GLCE: variants seen among roughly 807,000 people sequenced by gnomAD.
GLCE encodes the protein D-glucuronyl C5-epimerase.
In GLCE, 19 loss-of-function variants were observed where a neutral mutation model predicts 47.9. The ratio of observed to expected loss-of-function variants is 0.40; its 90% CI spans 0.28 to 0.58. The LOEUF (loss-of-function observed/expected upper bound fraction) is 0.58, where lower values mean the gene tolerates loss of function less well. Among genes scored for constraint, GLCE ranks in the 20% least tolerant of loss-of-function variants. The probability of loss-of-function intolerance (pLI) is 0.48; values close to 1 mark genes in which losing one functional copy is unlikely to be tolerated. For missense variants in GLCE, 556 were observed against 743.3 expected (o/e 0.75, Z 2.93); for synonymous variants, 245 against 263.4 (o/e 0.93, Z 0.68).
At chr15:69,230,646 G>GTA (rs1008793781) in intron 2 of GLCE, among the ~76,000 whole-genome samples, 13 of 152,180 alleles carry the variant, frequency 8.5e-5, no homozygotes, top group Non-Finnish European at 1.6e-4. Flanking sequence ...GATTATCAAA[G>GTA]TAGTGTTAAA....
intron 1 of GLCE, among the ~76,000 whole-genome samples, chr15:69,195,297 T>C (rs2051970558): frequency 6.6e-6 from 1 of 152,148 alleles, no homozygotes; most frequent in Non-Finnish European, 1.5e-5. Flanking sequence ...TGTGTAAATA[T>C]AGTCTCAGCT....
At chr15:69,200,534 T>C (rs1179412078) in intron 1 of GLCE, among the ~76,000 whole-genome samples, 1 of 152,176 alleles carries the variant, frequency 6.6e-6, no homozygotes, top group Non-Finnish European at 1.5e-5. Context: ...TTTCTACATA[T>C]TGTTCTTTTA....
At chr15:69,215,167 C>A (rs545134377) in intron 2 of GLCE, among the ~76,000 whole-genome samples, 18 of 152,122 alleles carry the variant, frequency 1.2e-4, no homozygotes, top group Non-Finnish European at 2.4e-4. Context: ...TATCTACCAA[C>A]AGCAGTTCTG....
intron 1 of GLCE, among the ~76,000 whole-genome samples, chr15:69,185,568 C>T (rs115738993): frequency 0.011 from 1,742 of 152,040 alleles, 24 homozygotes; most frequent in African/African-American, 0.038. Context: ...CTCTGTAAGC[C>T]TGGAGAGAAC....
chr15:69,169,759 T>C (rs981045748), intron 1 of GLCE, among the ~76,000 whole-genome samples: 1 of 152,188 alleles, frequency 6.6e-6, no homozygotes, highest in South Asian at 2.1e-4. Flanking sequence ...TTCCATGGTG[T>C]GTATGTGCCA....
chr15:69,269,446 G>GAACA lies in GLCE; in HGVS notation c.*203_*206dup. On this transcript the variant is annotated 3_prime_UTR_variant, in exon 5 of 5. Coordinates refer to ENST00000261858, the MANE Select transcript of GLCE (RefSeq NM_015554.3). The stretch of plus-strand genomic sequence containing the variant: ...TATTTAGAAATGTAGGTGGCATTTA[G>GAACA]AACACAATGTTTAATCAATGGGCTG... The GAACA allele has an allele frequency of 1.7e-6, 1 of 580,134 alleles. No individual in the cohort carries two copies. The highest frequency in any genetic ancestry group is 2.8e-5 in the East Asian group (1 of 35,416). The allele number at this position is 580,134 out of a possible 1,614,324, so 35.9% of individuals were successfully genotyped here.
intron 1 of GLCE, among the ~76,000 whole-genome samples, chr15:69,172,590 T>G (rs571791682): frequency 1.1e-5 from 1 of 88,564 alleles, no homozygotes; most frequent in Non-Finnish European, 3.2e-5. Context: ...CATATAGCAT[T>G]TGACATCCTC....
At position 69,172,159 on chromosome 15, in the gene GLCE, T is replaced by TA. The variant is rs547066084; in HGVS notation, c.-105+11403dup. Among the ~76,000 whole-genome samples the TA allele has an allele frequency of 2.0e-4, 30 of 152,344 alleles. No homozygotes were observed. The South Asian group carries it at 4.3e-3, about 22-fold the overall frequency. On this transcript the variant is annotated intron_variant, in intron 1 of 4. Coordinates refer to ENST00000261858, the MANE Select transcript of GLCE (RefSeq NM_015554.3). ...CAATTAACCATTTTTTTTGAAGACC[T>TA]ATTATGTATAAAAGAGTATTTTGGC... is the stretch of plus-strand genomic sequence containing the variant.
At chr15:69,213,078 GA>G (rs904345292) in intron 2 of GLCE, among the ~76,000 whole-genome samples, 13 of 151,996 alleles carry the variant, frequency 8.6e-5, no homozygotes, top group African/African-American at 3.1e-4. Flanking sequence ...TAAAGCTCTT[GA>G]AAAAAATTTT....
intron 2 of GLCE, among the ~76,000 whole-genome samples, chr15:69,243,935 C>T (rs1435896041): frequency 6.6e-6 from 1 of 152,082 alleles, no homozygotes; most frequent in African/African-American, 2.4e-5. Context: ...CCACCATGCC[C>T]AGCCCAAAAA....
chr15:69,198,232 C>G (rs2052025569), intron 1 of GLCE, among the ~76,000 whole-genome samples: 1 of 152,056 alleles, frequency 6.6e-6, no homozygotes, highest in Non-Finnish European at 1.5e-5. Flanking sequence ...TTGTCGATAC[C>G]TTGATCTATG....
chr15:69,238,216 T>G (rs2052618197), intron 2 of GLCE, among the ~76,000 whole-genome samples: 1 of 152,210 alleles, frequency 6.6e-6, no homozygotes, highest in African/African-American at 2.4e-5. Flanking sequence ...TTTAAGATTG[T>G]GTCTGCACAA....
At chr15:69,217,895 C>T (rs1432343865) in intron 2 of GLCE, among the ~76,000 whole-genome samples, 2 of 152,152 alleles carry the variant, frequency 1.3e-5, no homozygotes, top group Non-Finnish European at 2.9e-5. Context: ...GTGGCTCATG[C>T]CTGTAATCCC....
At chr15:69,203,022 G>T (rs895089727) in intron 1 of GLCE, among the ~76,000 whole-genome samples, 1 of 152,010 alleles carries the variant, frequency 6.6e-6, no homozygotes, top group Non-Finnish European at 1.5e-5. Flanking sequence ...TTTAAGTTTG[G>T]ATGGTACTAA....
chr15:69,220,192 AT>A (rs1327140602), intron 2 of GLCE, among the ~76,000 whole-genome samples: 1 of 152,050 alleles, frequency 6.6e-6, no homozygotes, highest in Non-Finnish European at 1.5e-5. Context: ...GTGTACCAAT[AT>A]TTCTTTGAGA....
At chr15:69,203,276 A>G (rs2052101357) in intron 1 of GLCE, among the ~76,000 whole-genome samples, 1 of 152,114 alleles carries the variant, frequency 6.6e-6, no homozygotes, top group South Asian at 2.1e-4. Context: ...TTTGAAAAAG[A>G]TGGGAAAAAA....
chr15:69,244,884 A>G (rs1019474708), intron 2 of GLCE, among the ~76,000 whole-genome samples: 1 of 152,320 alleles, frequency 6.6e-6, no homozygotes, highest in Non-Finnish European at 1.5e-5. Flanking sequence ...ATAGGAATAC[A>G]TTGGAGATAC....
intron 2 of GLCE, among the ~76,000 whole-genome samples, chr15:69,222,040 G>T (rs565906946): frequency 6.6e-6 from 1 of 152,212 alleles, no homozygotes; most frequent in Admixed American, 6.5e-5. Flanking sequence ...TGTGGCACAA[G>T]TTGCATGTGG....
At chr15:69,228,188 G>A (rs2140400040) in intron 2 of GLCE, among the ~76,000 whole-genome samples, 1 of 152,210 alleles carries the variant, frequency 6.6e-6, no homozygotes, top group East Asian at 1.9e-4. Flanking sequence ...TTATAGCACT[G>A]TGAGGAACTA....
Sources: gnomAD v4.1 joint callset for allele counts (sites outside exome capture counted in the v4.1 genomes callset) on GRCh38, gnomAD v4.1.1 for gene constraint, MANE v1.5 for transcripts, NCBI Gene and HGNC (gene_info 2026-07-23, HGNC 2026-07-21) for gene names.